Variants in FBLN7 observed in about 807,000 individuals in gnomAD.
FBLN7 encodes the protein fibulin-7.
A neutral mutation model predicts 44.0 loss-of-function variants in FBLN7; 31 were observed. That is an observed-to-expected ratio of 0.70 (90% CI 0.53 to 0.95). The LOEUF is 0.95. Ranked by LOEUF, FBLN7 falls within the 40% of genes least tolerant of loss-of-function variation. The pLI is 0.00. For missense variants in FBLN7, 573 were observed against 618.5 expected, an observed-to-expected ratio of 0.93 and a Z score of 0.78; for synonymous variants, 262 against 253.4, an observed-to-expected ratio of 1.03 and a Z score of -0.32.
the FBLN7 span, among the ~76,000 whole-genome samples, chr2:112,242,847 T>A: frequency 3.3e-5 from 5 of 152,234 alleles, no homozygotes; most frequent in Non-Finnish European, 7.3e-5. Flanking sequence ...CATCCACAGA[T>A]CTTTCCAAAA....
chr2:112,200,372 T>C, the FBLN7 span, among the ~76,000 whole-genome samples: 1 of 152,222 alleles, frequency 6.6e-6, no homozygotes, highest in African/African-American at 2.4e-5. Context: ...GTGGCATGTA[T>C]GCAGCTGGCT....
chr2:112,157,820 G>A (rs889580885), intron 1 of FBLN7, among the ~76,000 whole-genome samples: 3 of 151,820 alleles, frequency 2.0e-5, no homozygotes, highest in Non-Finnish European at 2.9e-5. Context: ...GGGTGGTCTT[G>A]AACTCCTGGA....
the FBLN7 span, chr2:112,233,212 G>A: frequency 1.5e-6 from 2 of 1,311,000 alleles, no homozygotes; most frequent in Non-Finnish European, 2.1e-6. Context: ...CATTTAAAAT[G>A]TTCATGTAAA....
At chr2:112,160,773 GACGCAC>G (rs1319147153) in intron 2 of FBLN7, among the ~76,000 whole-genome samples, 4 of 22,070 alleles carry the variant, frequency 1.8e-4, no homozygotes, top group African/African-American at 2.2e-4. Context: ...CGCACACGCA[GACGCAC>G]ACGCACGCAC....
At chr2:112,203,161 A>G in the FBLN7 span, among the ~76,000 whole-genome samples, 986 of 152,368 alleles carry the variant, frequency 6.5e-3, 30 homozygotes, top group Admixed American at 0.059. Context: ...AACATGCCCA[A>G]GAAAGACCTG....
At chr2:112,237,111 C>G in the FBLN7 span, among the ~76,000 whole-genome samples, 1 of 152,146 alleles carries the variant, frequency 6.6e-6, no homozygotes, top group Non-Finnish European at 1.5e-5. Flanking sequence ...GGAAAGTTCT[C>G]TAAGGCTCAA....
At chr2:112,172,015 A>G (rs575033867) in intron 3 of FBLN7, among the ~76,000 whole-genome samples, 249 of 152,268 alleles carry the variant, frequency 1.6e-3, no homozygotes, top group East Asian at 5.6e-3. Context: ...CCAAAGTGCT[A>G]GGATTACAGG....
chr2:112,162,249 A>G (rs1681916341), intron 2 of FBLN7, among the ~76,000 whole-genome samples: 1 of 151,146 alleles, frequency 6.6e-6, no homozygotes, highest in East Asian at 1.9e-4. Context: ...GGCTCAAGCG[A>G]TCCTCCAGCC....
chr2:112,244,191 C>G, the FBLN7 span, among the ~76,000 whole-genome samples: 1 of 152,080 alleles, frequency 6.6e-6, no homozygotes, highest in East Asian at 1.9e-4. Flanking sequence ...AGGATACTTA[C>G]AAAGATATTA....
chr2:112,150,562 G>C (rs1354670944), intron 1 of FBLN7, among the ~76,000 whole-genome samples: 1 of 152,104 alleles, frequency 6.6e-6, no homozygotes, highest in Non-Finnish European at 1.5e-5. Flanking sequence ...ACTATGTCCT[G>C]AGAGGCTAGC....
the FBLN7 span, chr2:112,234,038 C>A: frequency 1.3e-6 from 1 of 797,006 alleles, no homozygotes; most frequent in Non-Finnish European, 1.9e-6. Flanking sequence ...GCTTTAAAAA[C>A]CTAAAGGTAT....
the FBLN7 span, among the ~76,000 whole-genome samples, chr2:112,208,555 A>C: frequency 1.3e-5 from 2 of 152,094 alleles, no homozygotes; most frequent in Non-Finnish European, 2.9e-5. Flanking sequence ...TGTTTGATCC[A>C]TCCACTTCTT....
At chr2:112,159,865 G>A (rs1420016089) in intron 2 of FBLN7, 30 bp downstream of exon 2, 2 of 1,495,448 alleles carry the variant, frequency 1.3e-6, no homozygotes, top group Non-Finnish European at 8.9e-7. Flanking sequence ...CCGCTGGGGC[G>A]GCAGCGCAGC....
the FBLN7 span, among the ~76,000 whole-genome samples, chr2:112,223,247 T>C: frequency 6.6e-6 from 1 of 151,954 alleles, no homozygotes; most frequent in Non-Finnish European, 1.5e-5. Flanking sequence ...CCCTAGAACT[T>C]AAAGTATAAT....
At chr2:112,235,309 T>C in the FBLN7 span, among the ~76,000 whole-genome samples, 2 of 152,244 alleles carry the variant, frequency 1.3e-5, no homozygotes, top group Admixed American at 6.5e-5. Context: ...GTAACATTAT[T>C]AAATTCTATA....
intron 4 of FBLN7, among the ~76,000 whole-genome samples, chr2:112,179,552 A>G (rs1382315136): frequency 6.6e-6 from 1 of 152,226 alleles, no homozygotes; most frequent in African/African-American, 2.4e-5. Flanking sequence ...CTAAGCAAAA[A>G]GAACAAAGCT....
In FBLN7 at chr2:112,187,499, A is replaced by G; in HGVS notation, c.1313A>G (p.Asp438Gly). Residue 438 changes from aspartate to glycine, a missense_variant, in exon 8 of 8, where the codon GAC (aspartate) becomes GGC (glycine). Asp to Gly is a moderately conservative substitution (Grantham distance 94). Transcript: ENST00000331203. This position sits in a 1 kb window ranked among gnomAD's most constrained non-coding sequence, Gnocchi z 5.1. ...GTCACCATCTTTGTATCCCCCTATG[A>G]CTTCTGAGGGTACACAGGGGCACTG... ...SKVTIFVSPY[D>G]F 1 of 1,613,842 alleles carries G rather than the reference A, an allele frequency of 6.2e-7. No homozygotes were observed. Among genetic ancestry groups the G allele is most frequent in the Non-Finnish European group, 8.5e-7 (1 of 1,179,922 alleles).
intron 7 of FBLN7, among the ~76,000 whole-genome samples, chr2:112,185,884 T>A (rs1239718864): frequency 6.6e-6 from 1 of 151,586 alleles, no homozygotes; most frequent in South Asian, 2.1e-4. Context: ...TTTTTTTTTT[T>A]AAAGTTGGGA....
intron 3 of FBLN7, 55 bp downstream of exon 3, chr2:112,165,226 G>A (rs1682091448): frequency 6.4e-7 from 1 of 1,558,566 alleles, no homozygotes; most frequent in African/African-American, 1.4e-5. Context: ...TATAGCAAGG[G>A]TTTCTTGCAT....
Sources: gnomAD v4.1 joint callset for allele counts (sites outside exome capture counted in the v4.1 genomes callset) on GRCh38, gnomAD v4.1.1 for gene constraint, Gnocchi (gnomAD v3.1) non-coding constraint, MANE v1.5 for transcripts, NCBI Gene and HGNC (gene_info 2026-07-23, HGNC 2026-07-21) for gene names.